KIAA0753: variants seen among roughly 807,000 people sequenced by gnomAD.
KIAA0753 encodes the protein protein moonraker.
A neutral mutation model predicts 116.9 loss-of-function variants in KIAA0753; 114 were observed. The observed-to-expected ratio is 0.98, with a 90% CI of 0.84 to 1.14. The LOEUF (loss-of-function observed/expected upper bound fraction) is 1.14, where lower values mean the gene tolerates loss of function less well. KIAA0753 is among the 50% of genes most tolerant of loss of function. KIAA0753 has a pLI of 0.00. For synonymous variants in KIAA0753, 405 were observed against 413.1 expected (o/e 0.98, Z 0.24); for missense variants, 1,156 against 1,172.4 (o/e 0.99, Z 0.20).
At chr17:6,633,962 G>A (rs1216129034) in intron 2 of KIAA0753, among the ~76,000 whole-genome samples, 2 of 151,748 alleles carry the variant, frequency 1.3e-5, no homozygotes, top group African/African-American at 4.8e-5. Context: ...TAGAGGTATG[G>A]GTTACACATA....
At chr17:6,629,489 C>T (rs1971888372) in intron 2 of KIAA0753, among the ~76,000 whole-genome samples, 1 of 152,132 alleles carries the variant, frequency 6.6e-6, no homozygotes, top group Non-Finnish European at 1.5e-5. Context: ...ATTAATGTCT[C>T]CATGCATTTA....
chr17:6,633,595 A>G (rs1972132763), intron 2 of KIAA0753, among the ~76,000 whole-genome samples: 1 of 152,068 alleles, frequency 6.6e-6, no homozygotes, highest in African/African-American at 2.4e-5. Flanking sequence ...GAATGTTCAT[A>G]GCAGCTTTAT....
chr17:6,618,317 A>G (rs767407812), intron 7 of KIAA0753, among the ~76,000 whole-genome samples: 10 of 152,172 alleles, frequency 6.6e-5, no homozygotes, highest in Non-Finnish European at 1.0e-4. Flanking sequence ...ATGGGTAAAC[A>G]TAAGTAAAGT....
chr17:6,612,054 T>C lies in KIAA0753; in HGVS notation c.1410A>G (p.Pro470=), dbSNP rs368792410. 1.9e-6 allele frequency: 3 copies of C among 1,614,108 alleles called. No homozygotes were observed. The highest frequency in any genetic ancestry group is 1.3e-5 in the African/African-American group (1 of 74,956). The change falls in exon 8 of 19, where the codon CCA becomes CCG. Residue 470 remains proline (P), a synonymous_variant. Coordinates refer to ENST00000361413, the MANE Select transcript of KIAA0753 (RefSeq NM_014804.3). Reference sequence around the variant, plus strand: ...AGCTTGCACTTTGGTCTAGAATAAATGGTCCTTCTTCCAGAACTATATCCG... The same window carrying C: ...AGCTTGCACTTTGGTCTAGAATAAACGGTCCTTCTTCCAGAACTATATCCG... ...LDADIVLEEG[P]FILDQSASFK...
intron 7 of KIAA0753, among the ~76,000 whole-genome samples, chr17:6,612,716 A>G (rs1970635480): frequency 6.6e-6 from 1 of 152,072 alleles, no homozygotes; most frequent in Non-Finnish European, 1.5e-5. Flanking sequence ...AAAACTACAA[A>G]AATTAGCCAG....
intron 8 of KIAA0753, among the ~76,000 whole-genome samples, chr17:6,610,536 TAA>T (rs1274133034): frequency 2.7e-5 from 4 of 147,988 alleles, no homozygotes; most frequent in Admixed American, 6.7e-5. Flanking sequence ...TTTTTTTTTT[TAA>T]GAGACAGGGT....
At chr17:6,600,233 A>T in intron 13 of KIAA0753, 147 bp downstream of exon 13, 1 of 656,436 alleles carries the variant, frequency 1.5e-6, no homozygotes, top group Non-Finnish European at 2.7e-6. Context: ...TGGAGGGCAT[A>T]TCAGTAGTGT....
chr17:6,589,545 T>C (rs1297477945), intron 18 of KIAA0753, among the ~76,000 whole-genome samples: 2 of 148,494 alleles, frequency 1.3e-5, no homozygotes, highest in Non-Finnish European at 3.0e-5. Context: ...TGGGACCCTC[T>C]GCCTAGAAAA....
intron 16 of KIAA0753, among the ~76,000 whole-genome samples, chr17:6,591,798 C>T (rs1454189932): frequency 6.6e-6 from 1 of 152,248 alleles, no homozygotes; most frequent in African/African-American, 2.4e-5. Context: ...TCGGCTTCCA[C>T]ACAGAAAGAT....
chr17:6,623,784 C>G (rs1971483478), intron 4 of KIAA0753: 1 of 489,454 alleles, frequency 2.0e-6, no homozygotes, highest in East Asian at 4.3e-5. Flanking sequence ...CACCTTCCAT[C>G]CCTTCGTCCC....
At position 6,579,851 on chromosome 17, in the gene KIAA0753, G is replaced by T. The variant is rs752842358; in HGVS notation, c.2800C>A (p.Leu934Met). Reference protein sequence around the residue: ...WLIAESFSEELVDEALGAVAA... With the variant: ...WLIAESFSEEMVDEALGAVAA... ...ACAGCACCCAGAGCTTCATCTACCA[G>T]CTCTTCTGAAAAGCTGGAAGACAAA... The change falls in exon 19 of 19, where the codon CTG (leucine) becomes ATG (methionine). Residue 934 changes from leucine to methionine, a missense_variant. By Grantham distance (15) the Leu-to-Met change is conservative. Coordinates refer to ENST00000361413, the MANE Select transcript of KIAA0753 (RefSeq NM_014804.3). The T allele has an allele frequency of 1.2e-6, 2 of 1,613,208 alleles. No individual in the cohort carries two copies. Among genetic ancestry groups the T allele is most frequent in the Non-Finnish European group, 1.7e-6 (2 of 1,179,582 alleles).
In KIAA0753 at chr17:6,586,577, A is replaced by G. The variant is rs1171411770; in HGVS notation, c.2786+3202T>C. On this transcript the variant is annotated intron_variant, in intron 18 of 18. Coordinates refer to ENST00000361413, the MANE Select transcript of KIAA0753 (RefSeq NM_014804.3). Reference sequence around the variant, plus strand: ...GTGTTTTATTCATTCTTGTAGTGACATATAGTGGGATAGAGATATAGGAAG... The same window carrying G: ...GTGTTTTATTCATTCTTGTAGTGACGTATAGTGGGATAGAGATATAGGAAG... Among the ~76,000 whole-genome samples the G allele has an allele frequency of 2.6e-5, 4 of 152,206 alleles. No individual in the cohort carries two copies. The South Asian group carries it at 6.2e-4, about 24-fold the overall frequency.
chr17:6,627,018 C>G (rs769251327), intron 3 of KIAA0753, among the ~76,000 whole-genome samples: 3 of 152,184 alleles, frequency 2.0e-5, no homozygotes, highest in Non-Finnish European at 2.9e-5. Context: ...TATTTTTATG[C>G]TGGAATGGTT....
intron 18 of KIAA0753, among the ~76,000 whole-genome samples, chr17:6,587,422 A>T (rs955674010): frequency 3.3e-5 from 5 of 152,156 alleles, no homozygotes; most frequent in Non-Finnish European, 5.9e-5. Context: ...TTTTCCCTAC[A>T]TCCACCTAAC....
At position 6,594,296 on chromosome 17, in the gene KIAA0753, T is replaced by C. The variant is rs183205891; in HGVS notation, c.2440+676A>G. On this transcript the variant is annotated intron_variant, in intron 16 of 18. Coordinates refer to ENST00000361413, the MANE Select transcript of KIAA0753 (RefSeq NM_014804.3). ...ATTCTGACCCCCCCCCCCAGAACTA[T>C]AGGAGAATAAATTTGTGCTTTAAGC... Among the ~76,000 whole-genome samples the C allele has an allele frequency of 2.1e-3, 295 of 142,004 alleles. 2 individuals are homozygous for C. In the Middle Eastern group the frequency reaches 0.027, roughly 13 times the overall value. 93.2% of individuals were successfully genotyped at this position (142,004 alleles called of 152,430 possible). A position where few individuals can be genotyped will look rare whatever the true frequency, so the allele number is the denominator to read the frequency against.
In KIAA0753 at chr17:6,590,561, T is replaced by C; in HGVS notation, c.2510A>G (p.Asp837Gly). Residue 837 changes from aspartate (D) to glycine (G), a missense_variant, in exon 17 of 19, where the codon GAT (aspartate) becomes GGT (glycine). Physicochemically the swap from Asp to Gly is moderately conservative, Grantham distance 94. Coordinates refer to ENST00000361413, the MANE Select transcript of KIAA0753 (RefSeq NM_014804.3). ...PHPIRITKTV[D>G]RKDPAVNIML... is the part of the protein sequence containing the mutation. ...GATGTTCACGGCTGGATCCTTGCGA[T>C]CCACTGTCTTCGTGATTCTGATTGG... 6.2e-7 allele frequency: 1 copy of C among 1,614,096 alleles called. No homozygotes were observed. The highest frequency in any genetic ancestry group is 8.5e-7 in the Non-Finnish European group (1 of 1,179,966).
Position 6,579,468 on chromosome 17 carries a change from A to G in KIAA0753, c.*279T>C, listed in dbSNP as rs1597440868. 1 of 328,268 alleles carries G rather than the reference A, an allele frequency of 3.0e-6. No homozygotes were observed. The highest frequency in any genetic ancestry group is 5.7e-6 in the Non-Finnish European group (1 of 175,888). The allele number at this position is 328,268 out of a possible 1,614,324, so 20.3% of individuals were successfully genotyped here. A position where few individuals can be genotyped will look rare whatever the true frequency, so the allele number is the denominator to read the frequency against. On this transcript the variant is annotated 3_prime_UTR_variant, in exon 19 of 19. Transcript: ENST00000361413. ...CCAGAGGAATGAACATGGTATTTCA[A>G]TAGGAAAAGTACACATTCTGAAAAT...
chr17:6,583,557 G>A (rs748367009), intron 18 of KIAA0753, among the ~76,000 whole-genome samples: 14 of 151,878 alleles, frequency 9.2e-5, no homozygotes, highest in African/African-American at 2.7e-4. Flanking sequence ...GTGTGTCTCC[G>A]GGAATCACTC....
intron 18 of KIAA0753, among the ~76,000 whole-genome samples, chr17:6,582,398 C>T (rs919584515): frequency 3.3e-5 from 5 of 152,170 alleles, no homozygotes; most frequent in Admixed American, 2.0e-4. Flanking sequence ...TTAAGGCCCC[C>T]GCCCCATCCC....
Sources: gnomAD v4.1 joint callset for allele counts (sites outside exome capture counted in the v4.1 genomes callset) on GRCh38, gnomAD v4.1.1 for gene constraint, MANE v1.5 for transcripts, NCBI Gene and HGNC (gene_info 2026-07-23, HGNC 2026-07-21) for gene names.